Variants in DCHS2 observed in about 807,000 individuals in gnomAD.
DCHS2 encodes protocadherin-23.
A neutral mutation model predicts 182.4 loss-of-function variants in DCHS2; 142 were observed. The observed-to-expected ratio is 0.78, with a 90% CI of 0.68 to 0.89. DCHS2 has a LOEUF of 0.89. DCHS2 is among the 40% of genes least tolerant of loss of function. The pLI, the probability that DCHS2 is intolerant of heterozygous loss-of-function variation, is 0.00. For missense variants in DCHS2, 4,319 were observed against 4,198.6 expected, an observed-to-expected ratio of 1.03 and a Z score of -0.79; for synonymous variants, 1,740 against 1,663.3, an observed-to-expected ratio of 1.05 and a Z score of -1.12.
At chr4:154,423,642 C>T (rs1260289554) in intron 1 of DCHS2, among the ~76,000 whole-genome samples, 1 of 152,196 alleles carries the variant, frequency 6.6e-6, no homozygotes, top group African/African-American at 2.4e-5. Flanking sequence ...AATAATAAAA[C>T]TCATTCTGCA....
In DCHS2 at chr4:154,442,536, C is replaced by CA. The variant is rs201731861; in HGVS notation, c.2052+46767_2052+46768insT. On this transcript the variant is annotated intron_variant, in intron 1 of 19. Coordinates refer to ENST00000357232, the MANE Select transcript of DCHS2 (RefSeq NM_001358235.2). ...TGTCACTGAAAAGTGGACACCCCCC[C>CA]CCCCCCACACACACACACACACACA... Among the ~76,000 whole-genome samples the CA allele has an allele frequency of 9.4e-3, 754 of 80,576 alleles. 22 individuals carry two copies. Among genetic ancestry groups the CA allele is most frequent in the African/African-American group, 0.028 (708 of 25,696 alleles). The allele number at this position is 80,576 out of a possible 152,430, so 52.9% of individuals were successfully genotyped here. A position where few individuals can be genotyped will look rare whatever the true frequency, so the allele number is the denominator to read the frequency against.
In DCHS2 at chr4:154,239,205, G is replaced by A; in HGVS notation, c.7457C>T (p.Ser2486Phe). ...SNENISYRIL[S>F]SSKEFSIDPK... ...ATCAATGGAGAATTCCTTAGAAGAG[G>A]ATAGAATTCTGTAAGAAATGTTCTC... The change falls in exon 19 of 20, where the codon TCC becomes TTC. Residue 2486 changes from serine to phenylalanine, a missense_variant. Ser to Phe is a radical substitution (Grantham distance 155, BLOSUM62 -2). Transcript: ENST00000357232. 1.2e-6 allele frequency: 2 copies of A among 1,613,248 alleles called. No homozygotes were observed. Among genetic ancestry groups the A allele is most frequent in the Non-Finnish European group, 8.5e-7 (1 of 1,179,620 alleles).
chr4:154,325,580 A>G lies in DCHS2; in HGVS notation c.4018+2513T>C, dbSNP rs531373913. Among the ~76,000 whole-genome samples, 285 of 152,262 alleles carry G rather than the reference A, an allele frequency of 1.9e-3. 2 individuals are homozygous for G. The highest frequency in any genetic ancestry group is 3.3e-3 in the Non-Finnish European group (224 of 68,000). ...AACAAAAAGAGAAATTTGAGAAGTA[A>G]CAAAAGGGAAGACAAAAAAAGAGGG... On this transcript the variant is annotated intron_variant, in intron 7 of 19. Transcript: ENST00000357232.
rs555406708 is a variant in DCHS2 at position 154,389,829 on chromosome 4, G to T, written c.2053-12385C>A. On this transcript the variant is annotated intron_variant, in intron 1 of 19. Transcript: ENST00000357232. The stretch of plus-strand genomic sequence containing the variant: ...TATGCTAAAGTTGAAGGAAGTTAAA[G>T]TTAGAGGAATAGAGTGTCTGCACAG... 5.3e-5 allele frequency among the ~76,000 whole-genome samples: 8 copies of T among 151,736 alleles called. No homozygotes were observed. The South Asian group carries it at 1.7e-3, about 32-fold the overall frequency.
rs948171002 is a variant in DCHS2 at position 154,304,812 on chromosome 4, T to A, written c.5462A>T (p.Asp1821Val). 3 of 1,613,752 alleles carry A rather than the reference T, an allele frequency of 1.9e-6. No homozygotes were observed. The highest frequency in any genetic ancestry group is 1.7e-5 in the Admixed American group (1 of 59,980). Residue 1821 changes from aspartate to valine, a missense_variant, in exon 12 of 20, where the codon GAT becomes GTT. Transcript: ENST00000357232. ...STTTILCTVE[D>V]ENDHAPEFIV... ...AAACTCTGGTGCGTGATCGTTTTCA[T>A]CTTCAACAGTGCAGAGGATTGTTGT...
intron 9 of DCHS2, 106 bp downstream of exon 9, chr4:154,320,270 TCAA>T (rs1321504885): frequency 4.8e-6 from 7 of 1,471,026 alleles, no homozygotes; most frequent in South Asian, 1.4e-5. Flanking sequence ...GAACTCACAG[TCAA>T]CAACAATGTA....
intron 13 of DCHS2, among the ~76,000 whole-genome samples, chr4:154,277,373 G>A (rs376178744): frequency 2.0e-5 from 3 of 152,114 alleles, no homozygotes; most frequent in Admixed American, 6.6e-5. Context: ...GTGGCTTACC[G>A]CAGTGCCAGA....
intron 1 of DCHS2, among the ~76,000 whole-genome samples, chr4:154,415,123 C>T (rs7682649): frequency 0.01 from 1,564 of 152,140 alleles, 24 homozygotes; most frequent in African/African-American, 0.036. Flanking sequence ...TACTGAAGAC[C>T]GGGAGGGACC....
At chr4:154,382,087 A>T (rs1317913768) in intron 1 of DCHS2, among the ~76,000 whole-genome samples, 1 of 152,140 alleles carries the variant, frequency 6.6e-6, no homozygotes, top group Non-Finnish European at 1.5e-5. Flanking sequence ...GAAAACAGAA[A>T]CATAGACCAA....
intron 2 of DCHS2, among the ~76,000 whole-genome samples, chr4:154,369,094 T>C (rs1561071943): frequency 2.0e-5 from 3 of 152,236 alleles, no homozygotes; most frequent in Admixed American, 6.5e-5. Context: ...GACAGAATTC[T>C]AATGTTGTCT....
rs114365967 is a variant in DCHS2 at position 154,457,775 on chromosome 4, C to T, written c.2052+31529G>A. Among the ~76,000 whole-genome samples the T allele has an allele frequency of 3.6e-3, 545 of 152,260 alleles. 3 individuals carry two copies. The highest frequency in any genetic ancestry group is 0.012 in the African/African-American group (487 of 41,546). The stretch of plus-strand genomic sequence containing the variant: ...TAAAGCACAAATTGCTTCTCTCCCC[C>T]GCCTCTTTCTACTGCCAGTTTCTGC... On this transcript the variant is annotated intron_variant, in intron 1 of 19. Coordinates refer to ENST00000357232, the MANE Select transcript of DCHS2 (RefSeq NM_001358235.2).
chr4:154,490,271 C>G lies in DCHS2; in HGVS notation c.1085G>C (p.Ser362Thr). Residue 362 changes from serine (S) to threonine (T), a missense_variant, in exon 1 of 20, where the codon AGC becomes ACC. Transcript: ENST00000357232. Reference sequence around the variant, plus strand: ...AGGTCTCCACACTCGCACCACGCCGCTCAGCTCCTCCACCGCGAAGTAGGC... The same window carrying G: ...AGGTCTCCACACTCGCACCACGCCGGTCAGCTCCTCCACCGCGAAGTAGGC... ...DAAYFAVEEL[S>T]GVVRVWRPLD... 6.5e-7 allele frequency: 1 copy of G among 1,548,962 alleles called. No individual in the cohort carries two copies. The highest frequency in any genetic ancestry group is 8.7e-7 in the Non-Finnish European group (1 of 1,146,752).
At chr4:154,413,877 G>C (rs1732724958) in intron 1 of DCHS2, among the ~76,000 whole-genome samples, 1 of 152,168 alleles carries the variant, frequency 6.6e-6, no homozygotes. Flanking sequence ...CTTGTAAACA[G>C]AACTTTTATT....
chr4:154,278,091 A>G (rs1733948006), intron 13 of DCHS2, among the ~76,000 whole-genome samples: 1 of 152,104 alleles, frequency 6.6e-6, no homozygotes, highest in Non-Finnish European at 1.5e-5. Context: ...TCAATGCACT[A>G]CAAGAGAACA....
Position 154,413,495 on chromosome 4 carries a change from C to G in DCHS2, c.2053-36051G>C, listed in dbSNP as rs567456309. Among the ~76,000 whole-genome samples, 8 of 152,318 alleles carry G rather than the reference C, an allele frequency of 5.3e-5. No individual in the cohort carries two copies. The East Asian group carries it at 1.2e-3, about 22-fold the overall frequency. The stretch of plus-strand genomic sequence containing the variant: ...AAGTTTTATATAACATCTCATTTCT[C>G]TCTGATGCTGGATATCTCCAGGTGG... On this transcript the variant is annotated intron_variant, in intron 1 of 19. Transcript: ENST00000357232.
rs1202600091 is a variant in DCHS2 at position 154,333,264 on chromosome 4, T to G, written c.2944A>C (p.Thr982Pro). The change falls in exon 5 of 20, where the codon ACC becomes CCC. Residue 982 changes from threonine to proline, a missense_variant. Physicochemically the swap from Thr to Pro is conservative, Grantham distance 38. Transcript: ENST00000357232. ...VNDNHPAFLRTSDEIRISQTT... is the reference protein window; with the variant it reads ...VNDNHPAFLRPSDEIRISQTT... ...TGGGATATTCTAATCTCATCCGAGGTCCTGAGGAACGCTGGGTGGTTGTCA... is the reference window on the plus strand; with the variant it reads ...TGGGATATTCTAATCTCATCCGAGGGCCTGAGGAACGCTGGGTGGTTGTCA... 1.2e-6 allele frequency: 2 copies of G among 1,614,122 alleles called. No individual in the cohort carries two copies. The highest frequency in any genetic ancestry group is 1.7e-6 in the Non-Finnish European group (2 of 1,180,008).
rs1475064901 is a variant in DCHS2, at chr4:154,305,232, C to T, written c.5261-1G>A. ...TCAAACTGAAGCTTGGAATTGACTC[C>T]TTAAGAAAAATATAAAGAAAAACTT... On this transcript the variant is annotated splice_acceptor_variant, in intron 10 of 19. Coordinates refer to ENST00000357232, the MANE Select transcript of DCHS2 (RefSeq NM_001358235.2). LOFTEE classifies it high-confidence loss of function. The T allele has an allele frequency of 1.6e-5, 25 of 1,600,648 alleles. No individual in the cohort carries two copies. Among genetic ancestry groups the T allele is most frequent in the Non-Finnish European group, 2.0e-5 (24 of 1,176,234 alleles).
chr4:154,444,629 C>T (rs1363059297), intron 1 of DCHS2, among the ~76,000 whole-genome samples: 1 of 152,148 alleles, frequency 6.6e-6, no homozygotes, highest in South Asian at 2.1e-4. Context: ...TGCTGTATCA[C>T]CCCCAGCACC....
intron 1 of DCHS2, among the ~76,000 whole-genome samples, chr4:154,400,415 G>T (rs1178138933): frequency 6.6e-6 from 1 of 150,884 alleles, no homozygotes; most frequent in Non-Finnish European, 1.5e-5. Context: ...AATCAGAAAT[G>T]TACACTACAC....
Sources: gnomAD v4.1 joint callset for allele counts (sites outside exome capture counted in the v4.1 genomes callset) on GRCh38, gnomAD v4.1.1 for gene constraint, MANE v1.5 for transcripts, NCBI Gene and HGNC (gene_info 2026-07-23, HGNC 2026-07-21) for gene names.